The following SH3KBP1 variants were observed in gnomAD, a reference collection of about 807,000 sequenced individuals.
The protein encoded by SH3KBP1 is SH3 domain containing kinase binding protein 1.
A neutral mutation model predicts 50.1 loss-of-function variants in SH3KBP1; 8 were observed. The observed-to-expected ratio is 0.16, with a 90% CI of 0.09 to 0.29. The LOEUF (loss-of-function observed/expected upper bound fraction) is 0.29. SH3KBP1 is among the 10% of genes least tolerant of loss of function. The pLI is 1.00. For synonymous variants in SH3KBP1, 227 were observed against 218.6 expected, an observed-to-expected ratio of 1.04 and a Z score of -0.34; for missense variants, 377 against 535.2, an observed-to-expected ratio of 0.70 and a Z score of 2.92.
intron 2 of SH3KBP1, among the ~76,000 whole-genome samples, chrX:19,768,367 C>T (rs761474769): frequency 9.5e-6 from 1 of 104,834 alleles, no homozygotes; most frequent in African/African-American, 3.5e-5. Flanking sequence ...CCAAGTTAAT[C>T]GGATCATTCT....
intron 13 of SH3KBP1, among the ~76,000 whole-genome samples, chrX:19,565,346 G>A (rs180705292): frequency 1.5e-3 from 166 of 111,046 alleles, no homozygotes; most frequent in Non-Finnish European, 2.0e-3. Flanking sequence ...ACAGGTGTAA[G>A]CCACCGCGCC....
chrX:19,728,196 T>C (rs1009061678), intron 3 of SH3KBP1, among the ~76,000 whole-genome samples: 45 of 111,763 alleles, frequency 4.0e-4, no homozygotes, highest in African/African-American at 1.4e-3. Flanking sequence ...TTTCATGTTT[T>C]GGAATATTTG....
chrX:19,560,229 A>AT (rs1239682249), intron 13 of SH3KBP1, among the ~76,000 whole-genome samples: 3 of 110,724 alleles, frequency 2.7e-5, no homozygotes, highest in African/African-American at 9.9e-5. Flanking sequence ...CAAAAAAAAA[A>AT]CCCCTAGATT....
At chrX:19,597,716 G>A (rs771051708) in intron 9 of SH3KBP1, among the ~76,000 whole-genome samples, 2 of 112,419 alleles carry the variant, frequency 1.8e-5, no homozygotes, top group Non-Finnish European at 3.8e-5. Flanking sequence ...GCCGTGTCTG[G>A]CAGCATAATT....
intron 12 of SH3KBP1, among the ~76,000 whole-genome samples, chrX:19,580,640 G>GC (rs1458150868): frequency 9.0e-6 from 1 of 111,715 alleles, no homozygotes; most frequent in Non-Finnish European, 1.9e-5. Context: ...AACCTGGGGT[G>GC]CCAGCAATCT....
At chrX:19,724,885 G>GAGCAC (rs2064175513) in intron 3 of SH3KBP1, among the ~76,000 whole-genome samples, 3 of 111,352 alleles carry the variant, frequency 2.7e-5, no homozygotes, top group African/African-American at 9.8e-5. Flanking sequence ...AACCATGAGA[G>GAGCAC]AGCACAGCAC....
intron 16 of SH3KBP1, among the ~76,000 whole-genome samples, chrX:19,540,647 T>C (rs2064857160): frequency 9.0e-6 from 1 of 111,542 alleles, no homozygotes; most frequent in South Asian, 3.8e-4. Flanking sequence ...TGTAAGTCTC[T>C]GGCTGCATCT....
intron 2 of SH3KBP1, among the ~76,000 whole-genome samples, chrX:19,804,882 A>ACCCC (rs1171123464): frequency 5.8e-5 from 1 of 17,366 alleles, no homozygotes; most frequent in African/African-American, 2.6e-4. Context: ...CCCAAACCCT[A>ACCCC]CCCCCCCCCC....
chrX:19,545,958 C>G lies in SH3KBP1; in HGVS notation c.1587G>C (p.Ala529=). Residue 529 remains alanine (A), a synonymous_variant, in exon 15 of 18, where the codon GCG becomes GCC. Transcript: ENST00000397821. ...TAACAGTCTTGGAAGTTTTCTTTGA[C>G]GCGTCCACTCCTCTGTGCGCAAGTG... is the stretch of plus-strand genomic sequence containing the variant. ...HISLAHRGVD[A]SKKTSKTVTI... is the part of the protein sequence containing the mutation. 8.3e-7 allele frequency: 1 copy of G among 1,210,937 alleles called. No individual in the cohort carries two copies. Among genetic ancestry groups the G allele is most frequent in the Middle Eastern group, 2.3e-4 (1 of 4,352 alleles).
In SH3KBP1 at chrX:19,548,825, A is replaced by AAGAGAGAGAGAGAG. The variant is rs61301072; in HGVS notation, c.1494+1135_1494+1148dup. ...CAAGGCAATGTGCTATATGGAAATAAAGAGAGAGAGAGAGAGAGAGAAATC... is the reference window on the plus strand; with the variant it reads ...CAAGGCAATGTGCTATATGGAAATAAAGAGAGAGAGAGAGAGAGAGAGAGAGAGAGAGAGAAATC... On this transcript the variant is annotated intron_variant, in intron 14 of 17. Transcript: ENST00000397821. Among the ~76,000 whole-genome samples, 642 of 102,452 alleles carry AAGAGAGAGAGAGAG rather than the reference A, an allele frequency of 6.3e-3. 6 individuals are homozygous for AAGAGAGAGAGAGAG. The highest frequency in any genetic ancestry group is 0.021 in the African/African-American group (584 of 27,527). The allele number at this position is 102,452 out of a possible 115,157, so 89.0% of individuals were successfully genotyped here. A position where few individuals can be genotyped will look rare whatever the true frequency, so the allele number is the denominator to read the frequency against.
intron 17 of SH3KBP1, 127 bp downstream of exon 17, chrX:19,537,590 T>C (rs1421748803): frequency 3.6e-6 from 2 of 562,935 alleles, no homozygotes; most frequent in East Asian, 3.3e-5. Flanking sequence ...TCTAAGAAGA[T>C]GGTCACAGGA....
chrX:19,852,636 G>GAAAAAAAAAAAAAAAA (rs760707711), intron 1 of SH3KBP1, among the ~76,000 whole-genome samples: 2 of 51,950 alleles, frequency 3.8e-5, no homozygotes, highest in African/African-American at 1.3e-4. Flanking sequence ...TAGCTGCACA[G>GAAAAAAAAAAAAAAAA]AAAAAAAAAA....
chrX:19,597,108 T>C (rs1402045010), intron 9 of SH3KBP1, among the ~76,000 whole-genome samples: 2 of 110,629 alleles, frequency 1.8e-5, no homozygotes, highest in African/African-American at 3.3e-5. Flanking sequence ...TATAGACTTA[T>C]AAAATGTATT....
chrX:19,783,072 C>A, intron 2 of SH3KBP1, among the ~76,000 whole-genome samples: 1 of 112,224 alleles, frequency 8.9e-6, no homozygotes, highest in Non-Finnish European at 1.9e-5. Context: ...GACCTGTGAT[C>A]ATGCCACTGC....
At chrX:19,593,386 C>G (rs1460197945) in intron 10 of SH3KBP1, among the ~76,000 whole-genome samples, 2 of 111,480 alleles carry the variant, frequency 1.8e-5, no homozygotes, top group Non-Finnish European at 3.8e-5. Context: ...ACAAATTAAT[C>G]ACCACATCTC....
At chrX:19,694,687 C>A (rs2063373235) in intron 5 of SH3KBP1, among the ~76,000 whole-genome samples, 1 of 111,557 alleles carries the variant, frequency 9.0e-6, no homozygotes, top group Admixed American at 9.5e-5. Context: ...CTGCAAATGG[C>A]GTTACCTCCA....
chrX:19,547,309 T>C (rs989429510), intron 14 of SH3KBP1, among the ~76,000 whole-genome samples: 1 of 111,956 alleles, frequency 8.9e-6, no homozygotes, highest in Non-Finnish European at 1.9e-5. Context: ...CACAGATCTC[T>C]TTGAGCAAGC....
intron 1 of SH3KBP1, among the ~76,000 whole-genome samples, chrX:19,881,063 C>T (rs1022432811): frequency 8.9e-6 from 1 of 112,150 alleles, no homozygotes; most frequent in African/African-American, 3.2e-5. Context: ...TGATTTGTTA[C>T]TGCAGCAATA....
intron 2 of SH3KBP1, among the ~76,000 whole-genome samples, chrX:19,772,037 T>C (rs756858415): frequency 4.3e-4 from 48 of 111,011 alleles, no homozygotes; most frequent in Admixed American, 1.5e-3. Context: ...ATGAATTATC[T>C]TTCTGGTTCC....
Sources: allele counts gnomAD v4.1 joint callset (sites outside exome capture counted in the v4.1 genomes callset), GRCh38; gene constraint gnomAD v4.1.1; transcripts MANE v1.5; gene names NCBI Gene and HGNC (gene_info 2026-07-23, HGNC 2026-07-21).